KDM2A: variants seen among roughly 807,000 people sequenced by gnomAD.
KDM2A encodes lysine-specific demethylase 2A.
In KDM2A, 3 loss-of-function variants were observed where a neutral mutation model predicts 137.3. The ratio of observed to expected loss-of-function variants is 0.02; its 90% CI spans 0.01 to 0.06. The LOEUF is 0.06. Among genes scored for constraint, KDM2A ranks in the 10% least tolerant of loss-of-function variants. The pLI, the probability that KDM2A is intolerant of heterozygous loss-of-function variation, is 1.00. For synonymous variants in KDM2A, 512 were observed against 541.5 expected (o/e 0.95, Z 0.76); for missense variants, 738 against 1,510.6 (o/e 0.49, Z 8.48).
In KDM2A at chr11:67,257,244, G is replaced by A. The variant is rs1859642554; in HGVS notation, c.*2189G>A. On this transcript the variant is annotated 3_prime_UTR_variant, in exon 21 of 21. Coordinates refer to ENST00000529006, the MANE Select transcript of KDM2A (RefSeq NM_012308.3). ...CTTTTGGGTTTTGGTTTTTATGTTT[G>A]TTTTTTGGGGTTTGGAAAAACATGC... 1 of 152,564 alleles carries A rather than the reference G, an allele frequency of 6.6e-6. No homozygotes were observed. The highest frequency in any genetic ancestry group is 1.5e-5 in the Non-Finnish European group (1 of 68,002). The allele number at this position is 152,564 out of a possible 1,614,324, so 9.5% of individuals were successfully genotyped here. A position where few individuals can be genotyped will look rare whatever the true frequency, so the allele number is the denominator to read the frequency against.
rs1857854463 is a variant in KDM2A at position 67,207,816 on chromosome 11, G to A, written c.486+128G>A. On this transcript the variant is annotated intron_variant, in intron 6 of 20. Transcript: ENST00000529006. ...AAGGGAGGCAGATCGCTTGAGCTGAGGAGTTTGAGAGCAGCCGGGGCAACA... is the reference window on the plus strand; with the variant it reads ...AAGGGAGGCAGATCGCTTGAGCTGAAGAGTTTGAGAGCAGCCGGGGCAACA... 6 of 654,774 alleles carry A rather than the reference G, an allele frequency of 9.2e-6. No individual in the cohort carries two copies. In the Admixed American group the frequency reaches 9.6e-5, roughly 10 times the overall value. 40.6% of individuals were successfully genotyped at this position (654,774 alleles called of 1,614,324 possible).
In KDM2A at chr11:67,146,727, C is replaced by T. The variant is rs550205756; in HGVS notation, c.42+25369C>T. Among the ~76,000 whole-genome samples the T allele has an allele frequency of 3.3e-5, 5 of 152,162 alleles. No homozygotes were observed. In the East Asian group the frequency reaches 9.7e-4, roughly 29 times the overall value. Reference sequence around the variant, plus strand: ...GTTTTGATGTGTTGCCCAGATTGGTCTTGAACTTCTGACCTCAGGTGATCT... The same window carrying T: ...GTTTTGATGTGTTGCCCAGATTGGTTTTGAACTTCTGACCTCAGGTGATCT... On this transcript the variant is annotated intron_variant, in intron 2 of 20. Transcript: ENST00000529006.
intron 2 of KDM2A, among the ~76,000 whole-genome samples, chr11:67,172,501 A>G (rs1856898150): frequency 6.6e-6 from 1 of 151,984 alleles, no homozygotes; most frequent in African/African-American, 2.4e-5. Flanking sequence ...TTATCTTGTT[A>G]AATTTATTCC....
intron 2 of KDM2A, among the ~76,000 whole-genome samples, chr11:67,152,183 T>C (rs778003097): frequency 5.9e-5 from 9 of 151,900 alleles, no homozygotes; most frequent in Non-Finnish European, 1.2e-4. Flanking sequence ...CGTGGTGGTG[T>C]GCACCTGTGC....
Position 67,119,629 on chromosome 11 carries a change from C to CCGGGGCGGCGCGGGGAGCCT in KDM2A, c.-499_-480dup, listed in dbSNP as rs1373094319. On this transcript the variant is annotated 5_prime_UTR_variant, in exon 1 of 21. Transcript: ENST00000529006. ...GGGCCGGGGCCCGCGTTCCGGGGGG[C>CCGGGGCGGCGCGGGGAGCCT]CGGGGCGGCGCGGGGAGCCTCGGGC... 6.7e-6 allele frequency: 1 copy of CCGGGGCGGCGCGGGGAGCCT among 149,122 alleles called. No homozygotes were observed. Among genetic ancestry groups the CCGGGGCGGCGCGGGGAGCCT allele is most frequent in the African/African-American group, 2.4e-5 (1 of 41,094 alleles). 9.2% of individuals were successfully genotyped at this position (149,122 alleles called of 1,614,324 possible).
intron 5 of KDM2A, among the ~76,000 whole-genome samples, chr11:67,197,457 C>T (rs1590772862): frequency 6.6e-6 from 1 of 152,168 alleles, no homozygotes; most frequent in Non-Finnish European, 1.5e-5. Flanking sequence ...GGATTACAGG[C>T]GTGAGCCACT....
At chr11:67,123,148 T>C (rs1370790064) in intron 2 of KDM2A, among the ~76,000 whole-genome samples, 1 of 151,860 alleles carries the variant, frequency 6.6e-6, no homozygotes, top group East Asian at 1.9e-4. Flanking sequence ...TTTCAGACTT[T>C]TTTTTTTCTT....
intron 2 of KDM2A, among the ~76,000 whole-genome samples, chr11:67,124,912 C>T (rs1855683972): frequency 1.3e-5 from 2 of 150,220 alleles, no homozygotes; most frequent in African/African-American, 2.4e-5. Context: ...GGCTGGAGTG[C>T]AGTGGCTCGA....
At chr11:67,230,410 C>T (rs1469900345) in intron 11 of KDM2A, among the ~76,000 whole-genome samples, 1 of 152,090 alleles carries the variant, frequency 6.6e-6, no homozygotes, top group African/African-American at 2.4e-5. Flanking sequence ...GAAGGCACAC[C>T]TAAGTCCAAG....
Position 67,254,805 on chromosome 11 carries a change from A to G in KDM2A, c.3308-69A>G. 6 of 1,396,016 alleles carry G rather than the reference A, an allele frequency of 4.3e-6. No homozygotes were observed. The South Asian group carries it at 7.3e-5, about 17-fold the overall frequency. 86.5% of individuals were successfully genotyped at this position (1,396,016 alleles called of 1,614,324 possible). ...TTAGCATTTTGAAGGAAAGACGGCTACAGGAATTGAATGGCAGAGGAAAGC... is the reference window on the plus strand; with the variant it reads ...TTAGCATTTTGAAGGAAAGACGGCTGCAGGAATTGAATGGCAGAGGAAAGC... On this transcript the variant is annotated intron_variant, in intron 20 of 20. Coordinates refer to ENST00000529006, the MANE Select transcript of KDM2A (RefSeq NM_012308.3). The surrounding 1 kb of genome is among the most constrained non-coding windows in gnomAD (Gnocchi z 4.7).
chr11:67,226,699 G>A (rs1204721993), intron 10 of KDM2A, among the ~76,000 whole-genome samples: 2 of 152,164 alleles, frequency 1.3e-5, no homozygotes, highest in Non-Finnish European at 2.9e-5. Context: ...TCCAGCCTGG[G>A]CAACAGAGCA....
At chr11:67,204,200 T>C (rs750864807) in intron 5 of KDM2A, among the ~76,000 whole-genome samples, 90 of 152,326 alleles carry the variant, frequency 5.9e-4, no homozygotes, top group Middle Eastern at 3.4e-3. Context: ...TACGTTTTTT[T>C]CTTTTTGCAT....
At chr11:67,234,598 G>C (rs906022213) in intron 12 of KDM2A, among the ~76,000 whole-genome samples, 1 of 152,244 alleles carries the variant, frequency 6.6e-6, no homozygotes, top group African/African-American at 2.4e-5. Flanking sequence ...GCTGAGCCCA[G>C]TGGCTCACAC....
intron 2 of KDM2A, among the ~76,000 whole-genome samples, chr11:67,132,440 C>T (rs373397338): frequency 4.2e-4 from 64 of 152,230 alleles, no homozygotes; most frequent in African/African-American, 1.4e-3. Flanking sequence ...CGTGCCACCA[C>T]GCCCGGCTAA....
intron 5 of KDM2A, among the ~76,000 whole-genome samples, chr11:67,201,218 A>G (rs12222166): frequency 0.011 from 1,569 of 145,462 alleles, 8 homozygotes; most frequent in South Asian, 0.027. Context: ...ATATATATAT[A>G]TGTGTGTGTG....
At chr11:67,198,726 C>T (rs974510750) in intron 5 of KDM2A, among the ~76,000 whole-genome samples, 16 of 149,802 alleles carry the variant, frequency 1.1e-4, no homozygotes, top group Non-Finnish European at 2.1e-4. Context: ...AAAAAAAAAG[C>T]TTTTCATTAT....
At chr11:67,121,823 T>C (rs1855604304) in intron 2 of KDM2A, among the ~76,000 whole-genome samples, 1 of 152,216 alleles carries the variant, frequency 6.6e-6, no homozygotes, top group Non-Finnish European at 1.5e-5. Flanking sequence ...TTTTATAAAT[T>C]AACATTTTGG....
chr11:67,222,711 G>A (rs1858399782), intron 10 of KDM2A, among the ~76,000 whole-genome samples: 2 of 145,430 alleles, frequency 1.4e-5, no homozygotes, highest in Non-Finnish European at 3.0e-5. Context: ...CCCATTCTAA[G>A]ATTCAGTCTG....
At chr11:67,148,158 A>C (rs1348780911) in intron 2 of KDM2A, among the ~76,000 whole-genome samples, 1 of 152,088 alleles carries the variant, frequency 6.6e-6, no homozygotes, top group Non-Finnish European at 1.5e-5. Flanking sequence ...AGTGGCTCAT[A>C]CATGTGATCA....
Sources: allele counts gnomAD v4.1 joint callset (sites outside exome capture counted in the v4.1 genomes callset), GRCh38; gene constraint gnomAD v4.1.1; non-coding constraint Gnocchi (gnomAD v3.1); transcripts MANE v1.5; gene names NCBI Gene and HGNC (gene_info 2026-07-23, HGNC 2026-07-21).